The following ZNF276 variants were observed in gnomAD, a reference collection of about 807,000 sequenced individuals.
The protein encoded by ZNF276 is centromere protein Z.
ZNF276 carries 59 observed loss-of-function variants against 63.9 expected under a neutral mutation model. The ratio of observed to expected loss-of-function variants is 0.92; its 90% CI spans 0.75 to 1.15. The LOEUF (loss-of-function observed/expected upper bound fraction) is 1.15, where lower values mean the gene tolerates loss of function less well. ZNF276 is among the 50% of genes most tolerant of loss of function. The pLI is 0.00. For missense variants in ZNF276, 1,084 were observed against 843.8 expected (o/e 1.28, Z -3.53); for synonymous variants, 496 against 348.4 (o/e 1.42, Z -4.72).
chr16:89,726,076 C>T (rs936033979), intron 4 of ZNF276, among the ~76,000 whole-genome samples: 2 of 152,216 alleles, frequency 1.3e-5, no homozygotes, highest in Non-Finnish European at 2.9e-5. Flanking sequence ...AGTGCAGTGG[C>T]ACAATCTCGG....
Position 89,734,051 on chromosome 16 carries a change from C to T in ZNF276, c.1474+13C>T. 6.2e-7 allele frequency: 1 copy of T among 1,611,276 alleles called. No individual in the cohort carries two copies. The highest frequency in any genetic ancestry group is 8.5e-7 in the Non-Finnish European group (1 of 1,177,838). On this transcript the variant is annotated intron_variant, in intron 9 of 10. Coordinates refer to ENST00000443381, the MANE Select transcript of ZNF276 (RefSeq NM_001113525.2). The stretch of plus-strand genomic sequence containing the variant: ...CTCATCCACACAGGTACGCCTATCG[C>T]CAGTGTCGCCCACGCGGGTGACAGC...
intron 4 of ZNF276, 143 bp from the exon 5 acceptor site, chr16:89,727,136 G>T: frequency 1.2e-6 from 1 of 830,588 alleles, no homozygotes; most frequent in Non-Finnish European, 2.1e-6. Flanking sequence ...CCCTTGGTGG[G>T]GATGGGGCCA....
Position 89,740,356 on chromosome 16 carries a change from C to A in ZNF276, c.*2110C>A, listed in dbSNP as rs2062098452. The A allele has an allele frequency of 1.9e-6, 1 of 534,790 alleles. No individual in the cohort carries two copies. The highest frequency in any genetic ancestry group is 3.4e-6 in the Non-Finnish European group (1 of 297,030). The allele number at this position is 534,790 out of a possible 1,614,324, so 33.1% of individuals were successfully genotyped here. On this transcript the variant is annotated 3_prime_UTR_variant, in exon 11 of 11. Transcript: ENST00000443381. Reference sequence around the variant, plus strand: ...AATAAGACATTAAAAGAAAGGCCCACAGGCCGGATGCAGTGGCTCATGCCT... The same window carrying A: ...AATAAGACATTAAAAGAAAGGCCCAAAGGCCGGATGCAGTGGCTCATGCCT...
At chr16:89,733,599 G>C (rs1225985440) in intron 8 of ZNF276, 42 bp downstream of exon 8, 28 of 1,606,138 alleles carry the variant, frequency 1.7e-5, no homozygotes, top group Non-Finnish European at 2.0e-5. Context: ...GCAGCTGTCA[G>C]TGTGAACCTG....
At chr16:89,724,596 G>A (rs976987553) in intron 4 of ZNF276, among the ~76,000 whole-genome samples, 8 of 152,172 alleles carry the variant, frequency 5.3e-5, no homozygotes, top group East Asian at 3.8e-4. Context: ...GCAGTGAGCC[G>A]ACATCGCACA....
intron 1 of ZNF276, 76 bp from the exon 2 acceptor site, chr16:89,722,455 G>C (rs1050681447): frequency 9.4e-6 from 14 of 1,487,566 alleles, no homozygotes; most frequent in African/African-American, 1.4e-5. Flanking sequence ...CGCTGCCCTC[G>C]GACCTGGAGT....
In ZNF276 at chr16:89,738,820, GCCCAGGCAGCTGTCAATTCTCATGT is replaced by G. The variant is rs1323680036; in HGVS notation, c.*578_*602del. ...GTATTGCCAGCCAGGCAGGCACATG[GCCCAGGCAGCTGTCAATTCTCATGT>G]CCCCCACATGGCCCAAGGTGGGCAT... is the stretch of plus-strand genomic sequence containing the variant. On this transcript the variant is annotated 3_prime_UTR_variant, in exon 11 of 11. Coordinates refer to ENST00000443381, the MANE Select transcript of ZNF276 (RefSeq NM_001113525.2). 3.7e-6 allele frequency: 6 copies of G among 1,613,924 alleles called. No homozygotes were observed. The highest frequency in any genetic ancestry group is 5.1e-6 in the Non-Finnish European group (6 of 1,180,008).
At chr16:89,721,268 T>A (rs1597951894), upstream of ZNF276, 3 of 226,268 alleles carry the variant, frequency 1.3e-5, no homozygotes, top group Middle Eastern at 1.4e-3. Context: ...CGCGCCTCCG[T>A]CTCCCACGGT....
rs1000156031 is a variant in ZNF276, at chr16:89,722,405, C to T, written c.206-126C>T. ...CCCGCCGAGAGCCGCGCGCCCGAGCCGCTTGCTGTGTCCGGGAGCCGCGCG... is the reference window on the plus strand; with the variant it reads ...CCCGCCGAGAGCCGCGCGCCCGAGCTGCTTGCTGTGTCCGGGAGCCGCGCG... On this transcript the variant is annotated intron_variant, in intron 1 of 10. Coordinates refer to ENST00000443381, the MANE Select transcript of ZNF276 (RefSeq NM_001113525.2). 2.8e-5 allele frequency: 31 copies of T among 1,110,124 alleles called. No individual in the cohort carries two copies. In the South Asian group the frequency reaches 3.8e-4, roughly 13 times the overall value. 68.8% of individuals were successfully genotyped at this position (1,110,124 alleles called of 1,614,324 possible).
At position 89,739,421 on chromosome 16, in the gene ZNF276, G is replaced by C. The variant is rs2062064859; in HGVS notation, c.*1175G>C. Reference sequence around the variant, plus strand: ...CCATCTGGCGGGACCCAGAGGTGCTGAGATGGGGGTCTGGGAAACACTGCC... The same window carrying C: ...CCATCTGGCGGGACCCAGAGGTGCTCAGATGGGGGTCTGGGAAACACTGCC... On this transcript the variant is annotated 3_prime_UTR_variant, in exon 11 of 11. Coordinates refer to ENST00000443381, the MANE Select transcript of ZNF276 (RefSeq NM_001113525.2). The C allele has an allele frequency of 7.7e-6, 12 of 1,554,332 alleles. No individual in the cohort carries two copies. The South Asian group carries it at 9.4e-5, about 12-fold the overall frequency.
At chr16:89,735,231 G>A (rs774425455) in intron 9 of ZNF276, among the ~76,000 whole-genome samples, 2 of 151,678 alleles carry the variant, frequency 1.3e-5, no homozygotes, top group Non-Finnish European at 2.9e-5. Context: ...TGCAGGTTCT[G>A]TAGGGTCTTT....
upstream of ZNF276, chr16:89,721,059 G>T (rs2061253981): frequency 2.3e-6 from 1 of 433,500 alleles, no homozygotes; most frequent in African/African-American, 2.1e-5. Flanking sequence ...GGCAGAGTCC[G>T]GGTGGGTTGT....
intron 6 of ZNF276, among the ~76,000 whole-genome samples, chr16:89,730,991 GCCTGAGCCCAGC>G (rs1306993038): frequency 2.0e-5 from 3 of 152,342 alleles, no homozygotes; most frequent in Non-Finnish European, 4.4e-5. Context: ...CAGCAGTGAG[GCCTGAGCCCAGC>G]CCACCCGGTC....
At position 89,729,103 on chromosome 16, in the gene ZNF276, A is replaced by T. The variant is rs567463248; in HGVS notation, c.1086-132A>T. The T allele has an allele frequency of 5.5e-5, 41 of 747,608 alleles. 1 individual carries two copies. Among genetic ancestry groups the T allele is most frequent in the African/African-American group, 3.5e-4 (20 of 57,244 alleles). The allele number at this position is 747,608 out of a possible 1,614,324, so 46.3% of individuals were successfully genotyped here. A position where few individuals can be genotyped will look rare whatever the true frequency, so the allele number is the denominator to read the frequency against. On this transcript the variant is annotated intron_variant, in intron 5 of 10. Transcript: ENST00000443381. ...GGGATTGGAAATTTGGGGATTTTAG[A>T]TTTAAGACATTTTCAGAAGAACTCA...
At position 89,727,278 on chromosome 16, in the gene ZNF276, G is replaced by C; in HGVS notation, c.1007-1G>C. 1.2e-6 allele frequency: 2 copies of C among 1,614,088 alleles called. No homozygotes were observed. The highest frequency in any genetic ancestry group is 1.7e-6 in the Non-Finnish European group (2 of 1,179,986). On this transcript the variant is annotated splice_acceptor_variant, in intron 4 of 10. Coordinates refer to ENST00000443381, the MANE Select transcript of ZNF276 (RefSeq NM_001113525.2). LOFTEE classifies it high-confidence loss of function. ...CAGGAGCCTTGTTCTTTGTTTCTCA[G>C]GGCAGTTGGGTGAGAAGCAGCTTCC...
intron 8 of ZNF276, 94 bp downstream of exon 8, chr16:89,733,651 G>A: frequency 2.8e-6 from 4 of 1,415,106 alleles, no homozygotes; most frequent in Admixed American, 3.5e-5. Context: ...TCAGACTTGC[G>A]CCCAAGGACA....
intron 1 of ZNF276, among the ~76,000 whole-genome samples, 157 bp downstream of exon 1, chr16:89,722,002 G>A (rs2061301618): frequency 1.3e-5 from 2 of 152,106 alleles, no homozygotes; most frequent in South Asian, 4.1e-4. Context: ...TGGGCGGCCG[G>A]CTCGGTTTTC....
intron 5 of ZNF276, among the ~76,000 whole-genome samples, chr16:89,728,472 C>T (rs557894761): frequency 7.2e-4 from 110 of 152,200 alleles, no homozygotes; most frequent in African/African-American, 2.4e-3. Context: ...GGCACAATCT[C>T]GGCTCACTGC....
Position 89,729,317 on chromosome 16 carries a change from A to C in ZNF276, c.1168A>C (p.Lys390Gln). 6.2e-7 allele frequency: 1 copy of C among 1,614,040 alleles called. No individual in the cohort carries two copies. The highest frequency in any genetic ancestry group is 8.5e-7 in the Non-Finnish European group (1 of 1,179,990). ...GTCCTTTGAGCCTTACCCAGAAAGG[A>C]AGTAAGTGGGCAGCCCGGGGTCTGC... ...DESFEPYPERKVSGKKSESKE... is the reference protein window; with the variant it reads ...DESFEPYPERQVSGKKSESKE... The change falls in exon 6 of 11, where the codon AAA (lysine) becomes CAA (glutamine). Residue 390 changes from lysine (K) to glutamine (Q), a missense_variant and splice_region_variant. Transcript: ENST00000443381.
Sources: gnomAD v4.1 joint callset for allele counts (sites outside exome capture counted in the v4.1 genomes callset) on GRCh38, gnomAD v4.1.1 for gene constraint, MANE v1.5 for transcripts, NCBI Gene and HGNC (gene_info 2026-07-23, HGNC 2026-07-21) for gene names.